The following TULP2 variants were observed in gnomAD, a reference collection of about 807,000 sequenced individuals.
The protein encoded by TULP2 is tubby-related protein 2.
TULP2 carries 64 observed loss-of-function variants against 60.3 expected under a neutral mutation model. The observed-to-expected ratio is 1.06, with a 90% CI of 0.87 to 1.31. TULP2 has a LOEUF of 1.31. TULP2 is among the 50% of genes most tolerant of loss of function. The pLI is 0.00. For synonymous variants in TULP2, 267 were observed against 265.4 expected (o/e 1.01, Z -0.06); for missense variants, 652 against 667.0 (o/e 0.98, Z 0.25).
chr19:48,881,494 G>C (rs2037132270), intron 12 of TULP2, among the ~76,000 whole-genome samples: 1 of 148,904 alleles, frequency 6.7e-6, no homozygotes, highest in African/African-American at 2.5e-5. Flanking sequence ...CCATTCTCCT[G>C]CCTCAGCCTC....
chr19:48,895,599 G>C (rs531143819), intron 4 of TULP2, 96 bp from the exon 5 acceptor site: 367 of 1,480,364 alleles, frequency 2.5e-4, no homozygotes, highest in Non-Finnish European at 3.1e-4. Flanking sequence ...TATCACCCCC[G>C]CCAGGCGCCG....
chr19:48,885,594 C>T (rs1248290236), intron 8 of TULP2, 34 bp from the exon 9 acceptor site: 2 of 1,594,390 alleles, frequency 1.3e-6, no homozygotes, highest in South Asian at 1.1e-5. Context: ...TTAGAATGGA[C>T]TTCTGGATGC....
Position 48,895,107 on chromosome 19 carries a change from G to A in TULP2, c.405C>T (p.Ser135=). 6.2e-7 allele frequency: 1 copy of A among 1,614,104 alleles called. No homozygotes were observed. Residue 135 remains serine, a synonymous_variant, in exon 6 of 13, where the codon TCC becomes TCT. Transcript: ENST00000221399. The part of the protein sequence containing the change: ...SPFLSWLPDN[S]DAELEEVSVE... ...CGGAGACTTCCTCCAATTCTGCATC[G>A]GAATTGTCTGGGAGCCAGGATAAGA...
At chr19:48,889,404 G>A (rs907559530) in intron 7 of TULP2, 106 bp downstream of exon 7, 68 of 1,480,890 alleles carry the variant, frequency 4.6e-5, no homozygotes, top group Non-Finnish European at 5.9e-5. Context: ...TCACCACCAG[G>A]AAAAAGAGCT....
chr19:48,897,523 G>T lies in TULP2; in HGVS notation c.33-127C>A. 1.0e-6 allele frequency: 1 copy of T among 956,556 alleles called. No individual in the cohort carries two copies. Among genetic ancestry groups the T allele is most frequent in the Non-Finnish European group, 1.6e-6 (1 of 617,288 alleles). 59.3% of individuals were successfully genotyped at this position (956,556 alleles called of 1,614,324 possible). On this transcript the variant is annotated intron_variant, in intron 2 of 12. Transcript: ENST00000221399. This position sits in a 1 kb window ranked among gnomAD's most constrained non-coding sequence, Gnocchi z 4.0. ...GGGCACCTGTGAGGTCACAGGAGGT[G>T]CAGAACCTGAGCCTGCTCCACCAGT...
At chr19:48,890,725 G>C (rs1034589463) in intron 6 of TULP2, among the ~76,000 whole-genome samples, 1 of 152,112 alleles carries the variant, frequency 6.6e-6, no homozygotes. Context: ...TCATGACTCA[G>C]CGCCCTCACT....
intron 9 of TULP2, 25 bp downstream of exon 9, chr19:48,885,423 C>T: frequency 6.2e-7 from 1 of 1,602,844 alleles, no homozygotes; most frequent in Non-Finnish European, 8.5e-7. Context: ...ACCTGCTCCT[C>T]ACCACATGTC....
Position 48,897,796 on chromosome 19 carries a change from C to G in TULP2, c.32+41G>C. ...GAGCCGAGTGCACGGGGTCCCCAGC[C>G]CTTTCCACCTCCACCCCTACCCATC... On this transcript the variant is annotated intron_variant, in intron 2 of 12. Transcript: ENST00000221399. This position sits in a 1 kb window ranked among gnomAD's most constrained non-coding sequence, Gnocchi z 4.0. The G allele has an allele frequency of 6.2e-7, 1 of 1,611,552 alleles. No homozygotes were observed. Among genetic ancestry groups the G allele is most frequent in the South Asian group, 1.1e-5 (1 of 90,982 alleles).
intron 12 of TULP2, among the ~76,000 whole-genome samples, chr19:48,881,380 T>C (rs1020225901): frequency 6.4e-5 from 9 of 139,894 alleles, no homozygotes; most frequent in African/African-American, 2.1e-4. Flanking sequence ...CGGCTAATTT[T>C]TTTTTTTTTT....
chr19:48,896,771 T>C (rs2037286502), intron 3 of TULP2: 1 of 504,890 alleles, frequency 2.0e-6, no homozygotes, highest in Non-Finnish European at 3.4e-6. Context: ...TGTCCTCTCA[T>C]CCCCCAGGAC....
At chr19:48,888,757 G>A (rs181373270) in intron 7 of TULP2, among the ~76,000 whole-genome samples, 2 of 152,108 alleles carry the variant, frequency 1.3e-5, no homozygotes, top group African/African-American at 4.8e-5. Context: ...AAGTAGCTAG[G>A]ATTACAGGCT....
intron 7 of TULP2, among the ~76,000 whole-genome samples, chr19:48,889,184 C>T (rs1372652844): frequency 2.0e-5 from 3 of 151,722 alleles, no homozygotes; most frequent in East Asian, 1.9e-4. Flanking sequence ...CCACGTTGGC[C>T]AGGCTGGTCA....
chr19:48,883,878 C>T, intron 10 of TULP2, 26 bp from the exon 11 acceptor site: 2 of 1,614,020 alleles, frequency 1.2e-6, no homozygotes, highest in Non-Finnish European at 1.7e-6. Flanking sequence ...TCCAGTTGGC[C>T]TGGTTCCTTC....
intron 3 of TULP2, among the ~76,000 whole-genome samples, chr19:48,896,958 C>G (rs934923413): frequency 5.3e-5 from 8 of 151,986 alleles, no homozygotes; most frequent in Non-Finnish European, 8.8e-5. Context: ...ACCACGATCT[C>G]CGCTCACTGC....
Position 48,888,068 on chromosome 19 carries a change from A to G in TULP2, c.830T>C (p.Leu277Pro). The G allele has an allele frequency of 2.5e-6, 4 of 1,614,238 alleles. No homozygotes were observed. The highest frequency in any genetic ancestry group is 3.4e-6 in the Non-Finnish European group (4 of 1,180,042). ...CATGGTGCCCGGGAGCGCTGGCCGC[A>G]GCACGTAGGCTTCCATGTCCTCCTC... is the stretch of plus-strand genomic sequence containing the variant. ...GLEEDMEAYVLRPALPGTMMQ... is the reference protein window; with the variant it reads ...GLEEDMEAYVPRPALPGTMMQ... Residue 277 changes from leucine to proline, a missense_variant, in exon 8 of 13, where the codon CTG (leucine) becomes CCG (proline). Coordinates refer to ENST00000221399, the MANE Select transcript of TULP2 (RefSeq NM_003323.3).
intron 9 of TULP2, 86 bp downstream of exon 9, chr19:48,885,362 G>T: frequency 1.8e-6 from 2 of 1,107,892 alleles, no homozygotes; most frequent in Non-Finnish European, 1.4e-6. Context: ...TGGAAGGTAT[G>T]CTCTGTGGCC....
chr19:48,881,193 CTT>C (rs749458605), intron 12 of TULP2, 67 bp from the exon 13 acceptor site: 34,835 of 290,082 alleles, frequency 0.12, 877 homozygotes, highest in Non-Finnish European at 0.15. Context: ...AGAACTGAGA[CTT>C]TTTTTTTTTT....
intron 6 of TULP2, among the ~76,000 whole-genome samples, chr19:48,893,585 G>A (rs191515031): frequency 1.2e-3 from 183 of 151,524 alleles, no homozygotes; most frequent in African/African-American, 3.8e-3. Context: ...ACAAAGTCTC[G>A]CTCTTTCACC....
intron 6 of TULP2, among the ~76,000 whole-genome samples, chr19:48,891,859 G>A (rs1356200743): frequency 6.6e-6 from 1 of 152,102 alleles, no homozygotes; most frequent in Non-Finnish European, 1.5e-5. Context: ...GGGTCAGCAG[G>A]AAAACATGTG....
Sources: allele counts gnomAD v4.1 joint callset (sites outside exome capture counted in the v4.1 genomes callset), GRCh38; gene constraint gnomAD v4.1.1; non-coding constraint Gnocchi (gnomAD v3.1); transcripts MANE v1.5; gene names NCBI Gene and HGNC (gene_info 2026-07-23, HGNC 2026-07-21).